SNTB1: variants seen among roughly 807,000 people sequenced by gnomAD.
SNTB1 encodes the protein beta-1-syntrophin.
SNTB1 carries 36 observed loss-of-function variants against 48.9 expected under a neutral mutation model. The ratio of observed to expected loss-of-function variants is 0.74; its 90% CI spans 0.56 to 0.97. SNTB1 has a LOEUF of 0.97. Among genes scored for constraint, SNTB1 ranks in the 50% least tolerant of loss-of-function variants. SNTB1 has a pLI of 0.00. For synonymous variants in SNTB1, 299 were observed against 294.6 expected (o/e 1.01, Z -0.15); for missense variants, 786 against 703.4 (o/e 1.12, Z -1.33).
intron 3 of SNTB1, among the ~76,000 whole-genome samples, chr8:120,586,991 C>T (rs1176647550): frequency 3.3e-5 from 5 of 152,110 alleles, no homozygotes; most frequent in African/African-American, 1.2e-4. Context: ...GAGGCCGAGG[C>T]GGGTGGATCA....
intron 3 of SNTB1, among the ~76,000 whole-genome samples, chr8:120,618,057 G>A (rs1017638034): frequency 1.2e-4 from 18 of 152,226 alleles, no homozygotes; most frequent in Admixed American, 5.2e-4. Flanking sequence ...TGCATTTTGC[G>A]TCTTTATGCC....
At chr8:120,626,150 T>C (rs1047425652) in intron 3 of SNTB1, among the ~76,000 whole-genome samples, 1 of 152,154 alleles carries the variant, frequency 6.6e-6, no homozygotes, top group Admixed American at 6.6e-5. Context: ...TAAATTGCTA[T>C]TGTTGGAACT....
intron 2 of SNTB1, among the ~76,000 whole-genome samples, chr8:120,665,288 C>T (rs1817657045): frequency 6.6e-6 from 1 of 151,988 alleles, no homozygotes; most frequent in Non-Finnish European, 1.5e-5. Context: ...CCCGTCTCTA[C>T]TAAAAATACA....
chr8:120,619,917 T>C (rs1816767107), intron 3 of SNTB1, among the ~76,000 whole-genome samples: 1 of 152,180 alleles, frequency 6.6e-6, no homozygotes, highest in South Asian at 2.1e-4. Context: ...ATGGTGTTGA[T>C]GGAAGTTCTG....
intron 4 of SNTB1, among the ~76,000 whole-genome samples, chr8:120,559,563 A>G (rs1405311402): frequency 6.6e-6 from 1 of 152,210 alleles, no homozygotes; most frequent in African/African-American, 2.4e-5. Context: ...GCAGGACATC[A>G]GGCCAAGTGT....
At chr8:120,645,481 C>T (rs1008980224) in intron 2 of SNTB1, among the ~76,000 whole-genome samples, 63 of 151,662 alleles carry the variant, frequency 4.2e-4, no homozygotes, top group Non-Finnish European at 7.5e-4. Context: ...TGTAGACATG[C>T]GGCATTATTT....
intron 1 of SNTB1, among the ~76,000 whole-genome samples, chr8:120,791,180 A>C (rs1377761451): frequency 6.6e-6 from 1 of 151,858 alleles, no homozygotes; most frequent in Non-Finnish European, 1.5e-5. Context: ...GGCTTCAACA[A>C]AGCATACAAA....
At chr8:120,751,473 A>G (rs1819212923) in intron 1 of SNTB1, among the ~76,000 whole-genome samples, 1 of 147,012 alleles carries the variant, frequency 6.8e-6, no homozygotes. Context: ...CTTAAAGGAT[A>G]CTTTTTTTTT....
intron 1 of SNTB1, among the ~76,000 whole-genome samples, chr8:120,722,254 TATACCCAGTA>T (rs1268610491): frequency 6.6e-6 from 1 of 152,256 alleles, no homozygotes; most frequent in Non-Finnish European, 1.5e-5. Flanking sequence ...CCTTTCGGTA[TATACCCAGTA>T]ATGGGATTGC....
chr8:120,572,641 C>CA (rs1815875361), intron 4 of SNTB1, among the ~76,000 whole-genome samples: 1 of 152,156 alleles, frequency 6.6e-6, no homozygotes, highest in African/African-American at 2.4e-5. Context: ...ATAATCCCAG[C>CA]ACTATGGGAG....
intron 2 of SNTB1, among the ~76,000 whole-genome samples, chr8:120,662,735 T>G (rs537899048): frequency 5.9e-4 from 90 of 152,228 alleles, no homozygotes; most frequent in African/African-American, 2.1e-3. Context: ...TTGGGCAATT[T>G]GTATGAGGGG....
At chr8:120,664,583 T>C (rs547918658) in intron 2 of SNTB1, among the ~76,000 whole-genome samples, 1 of 152,344 alleles carries the variant, frequency 6.6e-6, no homozygotes, top group South Asian at 2.1e-4. Context: ...TTAAGATTCA[T>C]CCATGTTGTA....
intron 1 of SNTB1, among the ~76,000 whole-genome samples, chr8:120,754,607 A>G (rs34720806): frequency 0.067 from 10,261 of 152,232 alleles, 507 homozygotes; most frequent in East Asian, 0.17. Context: ...GGTGATTCTG[A>G]AGATTAAATG....
chr8:120,753,764 T>C (rs1312475348), intron 1 of SNTB1, among the ~76,000 whole-genome samples: 1 of 152,218 alleles, frequency 6.6e-6, no homozygotes, highest in Non-Finnish European at 1.5e-5. Context: ...CTAGAGGGAC[T>C]TTAATGATGA....
Position 120,537,317 on chromosome 8 carries a change from A to C in SNTB1, c.*1560T>G, listed in dbSNP as rs1230815695. On this transcript the variant is annotated 3_prime_UTR_variant, in exon 7 of 7. Transcript: ENST00000517992. ...TCGTGAAATCTATTTAACATTTTTC[A>C]GCTCAGTATTTAGTAAAGTGTATTA... The C allele has an allele frequency of 3.3e-5, 5 of 152,282 alleles. No homozygotes were observed. Among genetic ancestry groups the C allele is most frequent in the Middle Eastern group, 3.4e-3 (1 of 294 alleles). 9.4% of individuals were successfully genotyped at this position (152,282 alleles called of 1,614,324 possible).
At chr8:120,771,325 T>C (rs1372183945) in intron 1 of SNTB1, among the ~76,000 whole-genome samples, 2 of 152,208 alleles carry the variant, frequency 1.3e-5, no homozygotes, top group African/African-American at 4.8e-5. Context: ...TCTTTTCATT[T>C]CTACCATTTC....
At position 120,687,294 on chromosome 8, in the gene SNTB1, G is replaced by A. The variant is rs151330348; in HGVS notation, c.788+6398C>T. Among the ~76,000 whole-genome samples the A allele has an allele frequency of 6.6e-5, 10 of 152,286 alleles. No homozygotes were observed. The East Asian group carries it at 1.9e-3, about 29-fold the overall frequency. ...CAGGGTACTATGAGAACAACTTCAA[G>A]GAGCCTAGAATGAAAAGTGATTAAA... On this transcript the variant is annotated intron_variant, in intron 2 of 6. Coordinates refer to ENST00000517992, the MANE Select transcript of SNTB1 (RefSeq NM_021021.4).
rs145915693 is a variant in SNTB1 at position 120,569,177 on chromosome 8, C to T, written c.1136+5909G>A. Among the ~76,000 whole-genome samples the T allele has an allele frequency of 7.7e-3, 1,178 of 152,238 alleles. 18 individuals are homozygous for T. Among genetic ancestry groups the T allele is most frequent in the African/African-American group, 0.026 (1,092 of 41,540 alleles). On this transcript the variant is annotated intron_variant, in intron 4 of 6. Coordinates refer to ENST00000517992, the MANE Select transcript of SNTB1 (RefSeq NM_021021.4). The stretch of plus-strand genomic sequence containing the variant: ...TGTATTTTTAGTAGAGACGGGGTTT[C>T]ACCATGTTGGCCAGCTGGCCTCGAA...
chr8:120,603,242 C>T (rs1354194997), intron 3 of SNTB1, among the ~76,000 whole-genome samples: 1 of 152,122 alleles, frequency 6.6e-6, no homozygotes, highest in Admixed American at 6.6e-5. Flanking sequence ...GCTGGGACTA[C>T]AGGTGCGCCA....
Sources: gnomAD v4.1 joint callset for allele counts (sites outside exome capture counted in the v4.1 genomes callset) on GRCh38, gnomAD v4.1.1 for gene constraint, MANE v1.5 for transcripts, NCBI Gene and HGNC (gene_info 2026-07-23, HGNC 2026-07-21) for gene names.